Variants in ABCB5 observed in about 807,000 individuals in gnomAD.
The protein encoded by ABCB5 is ATP binding cassette subfamily B member 5, also known as ATP-binding cassette sub-family B member 5.
A neutral mutation model predicts 144.2 loss-of-function variants in ABCB5; 155 were observed. The ratio of observed to expected loss-of-function variants is 1.08; its 90% CI spans 0.94 to 1.23. The LOEUF is 1.23. ABCB5 is among the 50% of genes most tolerant of loss of function. The pLI, the probability that ABCB5 is intolerant of heterozygous loss-of-function variation, is 0.00. For missense variants in ABCB5, 1,830 were observed against 1,520.8 expected, an observed-to-expected ratio of 1.20 and a Z score of -3.38; for synonymous variants, 610 against 528.6, an observed-to-expected ratio of 1.15 and a Z score of -2.11.
intron 24 of ABCB5, 145 bp from the exon 25 acceptor site, chr7:20,742,732 C>A: frequency 1.4e-6 from 1 of 712,172 alleles, no homozygotes; most frequent in Non-Finnish European, 2.3e-6. Flanking sequence ...TTGCAGTCAA[C>A]AGCTCTACAG....
intron 14 of ABCB5, among the ~76,000 whole-genome samples, chr7:20,681,165 T>C (rs1170920545): frequency 6.6e-6 from 1 of 150,786 alleles, no homozygotes; most frequent in Non-Finnish European, 1.5e-5. Context: ...AGTTTCCTGT[T>C]GCCCAGGCTG....
chr7:20,673,414 A>C (rs1785511065), intron 14 of ABCB5, among the ~76,000 whole-genome samples: 1 of 152,010 alleles, frequency 6.6e-6, no homozygotes, highest in Non-Finnish European at 1.5e-5. Context: ...AATTGTACAT[A>C]TTTTGGTGTC....
At position 20,709,530 on chromosome 7, in the gene ABCB5, G is replaced by T. The variant is rs545844937; in HGVS notation, c.2421+4723G>T. Among the ~76,000 whole-genome samples, 29 of 149,810 alleles carry T rather than the reference G, an allele frequency of 1.9e-4. 2 individuals are homozygous for T. The highest frequency in any genetic ancestry group is 7.2e-4 in the African/African-American group (29 of 40,548). ...ACAGCCCACCGTTCCTTAAAAACAT[G>T]GCATTGAAAGTCCACATTTCTCTTA... On this transcript the variant is annotated intron_variant, in intron 20 of 27. Transcript: ENST00000404938.
At chr7:20,691,122 T>C (rs1786208582) in intron 16 of ABCB5, among the ~76,000 whole-genome samples, 1 of 151,012 alleles carries the variant, frequency 6.6e-6, no homozygotes, top group African/African-American at 2.4e-5. Flanking sequence ...TGAGTAGTTT[T>C]CAGGCCTCGG....
intron 24 of ABCB5, among the ~76,000 whole-genome samples, chr7:20,742,165 G>A (rs998889034): frequency 5.9e-5 from 9 of 152,160 alleles, no homozygotes; most frequent in African/African-American, 2.2e-4. Context: ...CTTGAGTCCA[G>A]GAGTTTGGAA....
intron 1 of ABCB5, among the ~76,000 whole-genome samples, chr7:20,617,328 T>C (rs914428389): frequency 1.3e-5 from 2 of 152,204 alleles, no homozygotes; most frequent in Admixed American, 6.5e-5. Flanking sequence ...TCAGTACATG[T>C]GGGGCAAGGC....
At chr7:20,621,293 T>C (rs1783800330) in intron 1 of ABCB5, among the ~76,000 whole-genome samples, 1 of 152,140 alleles carries the variant, frequency 6.6e-6, no homozygotes, top group East Asian at 1.9e-4. Context: ...GATGAAAAAG[T>C]TCTGAAGATA....
At chr7:20,699,523 A>G (rs1786534109) in intron 17 of ABCB5, among the ~76,000 whole-genome samples, 1 of 151,986 alleles carries the variant, frequency 6.6e-6, no homozygotes, top group Non-Finnish European at 1.5e-5. Flanking sequence ...CAGTATAGTG[A>G]AACCCCATCT....
chr7:20,679,346 G>C (rs1785712774), intron 14 of ABCB5, among the ~76,000 whole-genome samples: 1 of 151,884 alleles, frequency 6.6e-6, no homozygotes, highest in South Asian at 2.1e-4. Context: ...GCAGGTGCCT[G>C]TAATGCCAGC....
In ABCB5 at chr7:20,693,623, C is replaced by T. The variant is rs182215680; in HGVS notation, c.2011-4784C>T. Among the ~76,000 whole-genome samples, 24 of 152,054 alleles carry T rather than the reference C, an allele frequency of 1.6e-4. No individual in the cohort carries two copies. The East Asian group carries it at 4.4e-3, about 28-fold the overall frequency. ...GTGATACTGAGAAAGAAACTTGTAC[C>T]ACTAAACACCTATACTATCTAAAAA... On this transcript the variant is annotated intron_variant, in intron 16 of 27. Coordinates refer to ENST00000404938, the MANE Select transcript of ABCB5 (RefSeq NM_001163941.2).
chr7:20,714,821 C>G (rs995005394), intron 20 of ABCB5, among the ~76,000 whole-genome samples: 2 of 152,164 alleles, frequency 1.3e-5, no homozygotes, highest in Admixed American at 6.5e-5. Flanking sequence ...ATAGAGAAGC[C>G]TGTCTCATCA....
rs1260119525 is a variant in ABCB5 at position 20,711,864 on chromosome 7, TCCTCCCTCCCTC to T, written c.2421+7075_2421+7086del. Among the ~76,000 whole-genome samples, 28 of 42,258 alleles carry T rather than the reference TCCTCCCTCCCTC, an allele frequency of 6.6e-4. 5 individuals are homozygous for T. The highest frequency in any genetic ancestry group is 9.8e-4 in the Non-Finnish European group (23 of 23,524). 27.7% of individuals were successfully genotyped at this position (42,258 alleles called of 152,430 possible). A position where few individuals can be genotyped will look rare whatever the true frequency, so the allele number is the denominator to read the frequency against. ...TCTTTCTTTTCTTTCTTTCTTTCCT[TCCTCCCTCCCTC>T]CCTCCCTCCCTCCCTCCTTCCTTCC... is the stretch of plus-strand genomic sequence containing the variant. On this transcript the variant is annotated intron_variant, in intron 20 of 27. Coordinates refer to ENST00000404938, the MANE Select transcript of ABCB5 (RefSeq NM_001163941.2).
chr7:20,677,179 A>C (rs1285298928), intron 14 of ABCB5, among the ~76,000 whole-genome samples: 2 of 152,196 alleles, frequency 1.3e-5, no homozygotes, highest in Non-Finnish European at 2.9e-5. Context: ...GCAGTGTGAT[A>C]ATTTGCTTTT....
In ABCB5 at chr7:20,654,968, A is replaced by G. The variant is rs187244699; in HGVS notation, c.1536+3345A>G. Among the ~76,000 whole-genome samples the G allele has an allele frequency of 5.3e-5, 8 of 152,198 alleles. No homozygotes were observed. The East Asian group carries it at 9.6e-4, about 18-fold the overall frequency. On this transcript the variant is annotated intron_variant, in intron 13 of 27. Transcript: ENST00000404938. ...AAAACAAGCAAGACTAAGTAAATAG[A>G]AATTACAGTAGAAATCAGTAAAACC...
intron 24 of ABCB5, among the ~76,000 whole-genome samples, chr7:20,742,322 C>G (rs759320947): frequency 6.6e-6 from 1 of 151,722 alleles, no homozygotes. Context: ...TGCAGTGAGC[C>G]GAGATCACAC....
intron 23 of ABCB5, among the ~76,000 whole-genome samples, chr7:20,736,083 C>T (rs1383399260): frequency 6.6e-6 from 1 of 152,148 alleles, no homozygotes; most frequent in African/African-American, 2.4e-5. Flanking sequence ...ATGACTACCT[C>T]TATGGGGAAA....
intron 5 of ABCB5, among the ~76,000 whole-genome samples, chr7:20,639,945 A>G (rs75465236): frequency 0.056 from 8,597 of 152,246 alleles, 342 homozygotes; most frequent in South Asian, 0.14. Context: ...TTTGGGGAAG[A>G]TTGTCATCTT....
chr7:20,643,304 T>C lies in ABCB5; in HGVS notation c.435T>C (p.His145=). ...AGAGGATTCGAAAACAGTTTTTTCA[T>C]TCAGTTTTGGCACAGGACATCGGCT... ...QTKRIRKQFF[H]SVLAQDIGWF... is the part of the protein sequence containing the mutation. Residue 145 remains histidine, a synonymous_variant, in exon 6 of 28, where the codon CAT becomes CAC. Transcript: ENST00000404938. 6.2e-7 allele frequency: 1 copy of C among 1,614,000 alleles called. No homozygotes were observed. Among genetic ancestry groups the C allele is most frequent in the South Asian group, 1.1e-5 (1 of 91,082 alleles).
intron 13 of ABCB5, among the ~76,000 whole-genome samples, chr7:20,652,729 A>G (rs1430576651): frequency 6.6e-6 from 1 of 152,232 alleles, no homozygotes; most frequent in African/African-American, 2.4e-5. Context: ...TTTTTTTAAA[A>G]ATATTTCCTG....
Sources: gnomAD v4.1 joint callset for allele counts (sites outside exome capture counted in the v4.1 genomes callset) on GRCh38, gnomAD v4.1.1 for gene constraint, MANE v1.5 for transcripts, NCBI Gene and HGNC (gene_info 2026-07-23, HGNC 2026-07-21) for gene names.